EPN2: variants seen among roughly 807,000 people sequenced by gnomAD.
EPN2 encodes the protein epsin 2, also known as epsin-2.
In EPN2, 34 loss-of-function variants were observed where a neutral mutation model predicts 61.7. The observed-to-expected ratio is 0.55, with a 90% CI of 0.42 to 0.73. EPN2 has a LOEUF of 0.73. EPN2 is among the 30% of genes least tolerant of loss of function. The pLI is 0.00. For synonymous variants in EPN2, 349 were observed against 353.6 expected (o/e 0.99, Z 0.15); for missense variants, 714 against 839.2 (o/e 0.85, Z 1.84).
intron 10 of EPN2, among the ~76,000 whole-genome samples, chr17:19,332,551 G>T (rs535971663): frequency 2.6e-5 from 4 of 152,238 alleles, no homozygotes; most frequent in Non-Finnish European, 4.4e-5. Flanking sequence ...GTTGGCTGCC[G>T]GCCAAGCCCC....
At position 19,283,641 on chromosome 17, in the gene EPN2, G is replaced by A. The variant is rs1345403487; in HGVS notation, c.522G>A (p.Gln174=). Reference sequence around the variant, plus strand: ...TCACCTTTGGGCGAGGCTCCAGCCAGCCCAACCTCTCCACCAGCCACTCGG... The same window carrying A: ...TCACCTTTGGGCGAGGCTCCAGCCAACCCAACCTCTCCACCAGCCACTCGG... ...NQITFGRGSS[Q]PNLSTSHSEQ... The change falls in exon 3 of 11, where the codon CAG becomes CAA. Residue 174 remains glutamine (Q), a synonymous_variant. Transcript: ENST00000314728. This position sits in a 1 kb window ranked among gnomAD's most constrained non-coding sequence, Gnocchi z 7.0. The A allele has an allele frequency of 6.2e-7, 1 of 1,613,806 alleles. No individual in the cohort carries two copies. Among genetic ancestry groups the A allele is most frequent in the Admixed American group, 1.7e-5 (1 of 60,028 alleles).
rs148091177 is a variant in EPN2, at chr17:19,332,986, C to G, written c.1627+918C>G. 6.6e-5 allele frequency among the ~76,000 whole-genome samples: 10 copies of G among 152,336 alleles called. No homozygotes were observed. The East Asian group carries it at 1.7e-3, about 26-fold the overall frequency. On this transcript the variant is annotated intron_variant, in intron 10 of 10. Transcript: ENST00000314728. The stretch of plus-strand genomic sequence containing the variant: ...AGAATTACCACTGAACTTACAGAGG[C>G]TGAGGTTGGGGACCCTTGGGCAGAG...
chr17:19,330,981 G>T (rs1467168674), intron 9 of EPN2, among the ~76,000 whole-genome samples: 1 of 152,196 alleles, frequency 6.6e-6, no homozygotes, highest in Non-Finnish European at 1.5e-5. Context: ...GAGTGCACTG[G>T]TGTTATTGGT....
intron 7 of EPN2, among the ~76,000 whole-genome samples, chr17:19,318,714 G>A (rs887212660): frequency 1.3e-5 from 2 of 152,014 alleles, no homozygotes; most frequent in African/African-American, 2.4e-5. Flanking sequence ...AGAGCTAACT[G>A]GAGGTGTCAG....
chr17:19,282,288 A>C (rs2045365932), intron 2 of EPN2: 1 of 152,214 alleles, frequency 6.6e-6, no homozygotes, highest in Non-Finnish European at 1.5e-5. Context: ...AATTGCTGTT[A>C]GGAATCTTTA....
At chr17:19,290,056 T>G (rs2045447641) in intron 4 of EPN2, among the ~76,000 whole-genome samples, 1 of 152,110 alleles carries the variant, frequency 6.6e-6, no homozygotes, top group Non-Finnish European at 1.5e-5. Context: ...TCTTGTAATT[T>G]CAGACACACC....
chr17:19,317,289 G>A (rs972925500), intron 7 of EPN2, among the ~76,000 whole-genome samples: 7 of 152,212 alleles, frequency 4.6e-5, no homozygotes, highest in Non-Finnish European at 1.0e-4. Flanking sequence ...TCAGTGGGGC[G>A]CTTCCTCCTC....
intron 7 of EPN2, among the ~76,000 whole-genome samples, chr17:19,314,424 C>T (rs747651623): frequency 3.3e-5 from 5 of 152,082 alleles, no homozygotes; most frequent in Non-Finnish European, 7.4e-5. Context: ...GAAGACTCAG[C>T]GTGTGAGAAG....
intron 1 of EPN2, among the ~76,000 whole-genome samples, chr17:19,244,849 C>A (rs1234594173): frequency 6.6e-6 from 1 of 152,196 alleles, no homozygotes; most frequent in Non-Finnish European, 1.5e-5. Flanking sequence ...CTGCCCCAGG[C>A]CATACAGTTA....
At chr17:19,255,436 C>CTTTATTTA (rs58603139) in intron 1 of EPN2, among the ~76,000 whole-genome samples, 5,330 of 138,252 alleles carry the variant, frequency 0.039, 130 homozygotes, top group Middle Eastern at 0.062. Context: ...TCTTCATTTA[C>CTTTATTTA]TTTATTTATT....
chr17:19,254,833 G>T (rs1258159865), intron 1 of EPN2, among the ~76,000 whole-genome samples: 2 of 152,132 alleles, frequency 1.3e-5, no homozygotes, highest in Non-Finnish European at 2.9e-5. Flanking sequence ...AAAGGAGCTT[G>T]TTTTCCTGGA....
At chr17:19,313,360 C>T in intron 7 of EPN2, 81 bp downstream of exon 7, 2 of 1,356,926 alleles carry the variant, frequency 1.5e-6, no homozygotes, top group African/African-American at 3.0e-5. Context: ...TGTCTCTCAC[C>T]CACTTGGGTC....
intron 1 of EPN2, among the ~76,000 whole-genome samples, chr17:19,267,446 G>A (rs963845726): frequency 4.6e-5 from 7 of 151,586 alleles, no homozygotes; most frequent in African/African-American, 1.7e-4. Flanking sequence ...TGCCATAGCA[G>A]TAATACCTGA....
chr17:19,316,280 T>C (rs902690979), intron 7 of EPN2, among the ~76,000 whole-genome samples: 4 of 152,382 alleles, frequency 2.6e-5, no homozygotes, highest in East Asian at 3.9e-4. Flanking sequence ...TTGAGCTAAT[T>C]AAAAGCTATC....
At chr17:19,299,533 A>G (rs1450846940) in intron 4 of EPN2, among the ~76,000 whole-genome samples, 3 of 152,260 alleles carry the variant, frequency 2.0e-5, no homozygotes, top group Non-Finnish European at 4.4e-5. Context: ...CAGAAGCAGC[A>G]GGAAGCTCAG....
intron 1 of EPN2, chr17:19,274,094 A>G (rs1261030024): frequency 6.6e-6 from 1 of 152,294 alleles, no homozygotes; most frequent in African/African-American, 2.4e-5. Context: ...ACCTCAGGAA[A>G]GATAAAGCCA....
chr17:19,307,858 C>A (rs1905927900), intron 4 of EPN2: 1 of 970,084 alleles, frequency 1.0e-6, no homozygotes, highest in African/African-American at 1.8e-5. Context: ...GCCTCTTCCC[C>A]TGTTTTATTC....
At chr17:19,312,232 A>T (rs948557916) in intron 6 of EPN2, 88 bp downstream of exon 6, 25 of 906,714 alleles carry the variant, frequency 2.8e-5, no homozygotes, top group Middle Eastern at 6.4e-4. Flanking sequence ...GGATGGCGTG[A>T]TGCACAGTGA....
intron 4 of EPN2, among the ~76,000 whole-genome samples, chr17:19,291,612 T>G (rs3785786): frequency 0.025 from 3,735 of 151,986 alleles, 96 homozygotes; most frequent in East Asian, 0.12. Context: ...TAATTTTTTT[T>G]TGTGTTTTTT....
Sources: gnomAD v4.1 joint callset for allele counts (sites outside exome capture counted in the v4.1 genomes callset) on GRCh38, gnomAD v4.1.1 for gene constraint, Gnocchi (gnomAD v3.1) non-coding constraint, MANE v1.5 for transcripts, NCBI Gene and HGNC (gene_info 2026-07-23, HGNC 2026-07-21) for gene names.